The following AKR1C3 variants were observed in gnomAD, a reference collection of about 807,000 sequenced individuals.
AKR1C3 encodes aldo-keto reductase family 1 member C3.
AKR1C3 carries 48 observed loss-of-function variants against 43.6 expected under a neutral mutation model. The ratio of observed to expected loss-of-function variants is 1.10; its 90% CI spans 0.87 to 1.40. AKR1C3 has a LOEUF of 1.40. Ranked by LOEUF, AKR1C3 falls within the 40% of genes most tolerant of loss-of-function variation. The pLI is 0.00. For synonymous variants in AKR1C3, 162 were observed against 139.6 expected (o/e 1.16, Z -1.13); for missense variants, 482 against 391.2 (o/e 1.23, Z -1.96).
intron 4 of AKR1C3, 87 bp downstream of exon 4, chr10:5,098,966 C>A: frequency 9.1e-7 from 1 of 1,093,768 alleles, no homozygotes; most frequent in Non-Finnish European, 1.3e-6. Context: ...ATGGAATATG[C>A]ACCATTAGAT....
chr10:5,089,549 C>T (rs1385389260), upstream of AKR1C3, among the ~76,000 whole-genome samples: 1 of 152,004 alleles, frequency 6.6e-6, no homozygotes, highest in Non-Finnish European at 1.5e-5. Flanking sequence ...AAGATTTAAA[C>T]TGTATTTTAA....
intron 1 of AKR1C3, among the ~76,000 whole-genome samples, chr10:5,064,624 C>T (rs1402252901): frequency 3.9e-5 from 6 of 152,146 alleles, no homozygotes; most frequent in Non-Finnish European, 7.3e-5. Context: ...TGCCCACACA[C>T]TATGCATCTG....
At chr10:5,074,723 G>GAA (rs1554781650) in intron 1 of AKR1C3, among the ~76,000 whole-genome samples, 1 of 152,122 alleles carries the variant, frequency 6.6e-6, no homozygotes, top group Non-Finnish European at 1.5e-5. Flanking sequence ...GCTACAAGAT[G>GAA]AAAGGCTACC....
At chr10:5,083,475 C>T (rs527236684) in intron 1 of AKR1C3, among the ~76,000 whole-genome samples, 1 of 152,198 alleles carries the variant, frequency 6.6e-6, no homozygotes, top group Admixed American at 6.5e-5. Flanking sequence ...TCCAGTCTAT[C>T]GTTGTTGGAC....
At chr10:5,055,964 C>T (rs1486509901) in intron 1 of AKR1C3, among the ~76,000 whole-genome samples, 1 of 152,186 alleles carries the variant, frequency 6.6e-6, no homozygotes, top group Non-Finnish European at 1.5e-5. Flanking sequence ...TTGCTGAGGG[C>T]CCTGGTCCCT....
intron 1 of AKR1C3, among the ~76,000 whole-genome samples, chr10:5,079,841 A>G (rs11252924): frequency 0.31 from 47,841 of 152,002 alleles, 7,850 homozygotes; most frequent in Middle Eastern, 0.46. Flanking sequence ...ATGAATTTAT[A>G]TGCATTTTAT....
chr10:5,089,079 T>A (rs1324851571), intron 1 of AKR1C3, among the ~76,000 whole-genome samples: 1 of 152,124 alleles, frequency 6.6e-6, no homozygotes, highest in African/African-American at 2.4e-5. Context: ...GCCCCCAATA[T>A]CTTCCGACTT....
chr10:5,056,872 G>A (rs1457387503), intron 1 of AKR1C3, among the ~76,000 whole-genome samples: 3 of 152,214 alleles, frequency 2.0e-5, no homozygotes, highest in African/African-American at 4.8e-5. Flanking sequence ...AGAAATACCT[G>A]GTGCCAGGCT....
At chr10:5,057,166 A>T (rs957513029) in intron 1 of AKR1C3, among the ~76,000 whole-genome samples, 1 of 152,146 alleles carries the variant, frequency 6.6e-6, no homozygotes, top group African/African-American at 2.4e-5. Flanking sequence ...GTGGACATGG[A>T]TGAGGGGGCA....
chr10:5,080,186 C>G (rs961706410), intron 1 of AKR1C3, among the ~76,000 whole-genome samples: 2 of 152,006 alleles, frequency 1.3e-5, no homozygotes, highest in African/African-American at 4.8e-5. Context: ...GTAAGAACAT[C>G]TTAAGATGTG....
In AKR1C3 at chr10:5,079,222, G is replaced by A. The variant is rs537332031; in HGVS notation, c.85-17188G>A. On this transcript the variant is annotated intron_variant, in intron 1 of 8. Coordinates refer to the AKR1C3 transcript ENST00000439082. ...AGGGTGGTATCTGCCTTCCCAGGAG[G>A]CAGGAGTGGGGCCCCCAACTGAGGA... Among the ~76,000 whole-genome samples the A allele has an allele frequency of 4.6e-5, 7 of 152,270 alleles. No homozygotes were observed. In the South Asian group the frequency reaches 1.0e-3, roughly 23 times the overall value.
chr10:5,059,982 T>C (rs1554780051), intron 1 of AKR1C3, among the ~76,000 whole-genome samples: 1 of 152,150 alleles, frequency 6.6e-6, no homozygotes, highest in Non-Finnish European at 1.5e-5. Context: ...TGGAGTTTAT[T>C]CCTTCTGGTG....
chr10:5,050,462 A>T (rs1006466225), intron 1 of AKR1C3, among the ~76,000 whole-genome samples: 1 of 152,248 alleles, frequency 6.6e-6, no homozygotes, highest in African/African-American at 2.4e-5. Flanking sequence ...ACAGTAACTC[A>T]TGTAATGAGG....
chr10:5,088,741 T>A (rs1839025001), intron 1 of AKR1C3, among the ~76,000 whole-genome samples: 1 of 151,622 alleles, frequency 6.6e-6, no homozygotes, highest in Non-Finnish European at 1.5e-5. Context: ...CTGTTGGGTC[T>A]TGTCCTTTTA....
chr10:5,102,934 T>G (rs1192060638), intron 7 of AKR1C3, among the ~76,000 whole-genome samples: 1 of 145,456 alleles, frequency 6.9e-6, no homozygotes, highest in Non-Finnish European at 1.5e-5. Flanking sequence ...TCATGTTGTT[T>G]GTTTGGTTTT....
intron 1 of AKR1C3, among the ~76,000 whole-genome samples, chr10:5,082,918 T>A (rs529016833): frequency 6.6e-6 from 1 of 152,244 alleles, no homozygotes; most frequent in East Asian, 1.9e-4. Context: ...ATCTCTCTGG[T>A]CCCACGCTAT....
chr10:5,087,922 T>C (rs1839007326), intron 1 of AKR1C3, among the ~76,000 whole-genome samples: 1 of 152,114 alleles, frequency 6.6e-6, no homozygotes, highest in Non-Finnish European at 1.5e-5. Flanking sequence ...CTTTAGGTGG[T>C]GAGTTTGAGG....
At chr10:5,050,955 C>A (rs1266909656) in intron 1 of AKR1C3, among the ~76,000 whole-genome samples, 1 of 152,188 alleles carries the variant, frequency 6.6e-6, no homozygotes, top group East Asian at 1.9e-4. Flanking sequence ...GTATAACTTG[C>A]CTCTTCTTCT....
chr10:5,090,019 C>T (rs1554783915), upstream of AKR1C3, among the ~76,000 whole-genome samples: 1 of 152,096 alleles, frequency 6.6e-6, no homozygotes, highest in African/African-American at 2.4e-5. Flanking sequence ...TAGGTTTTTA[C>T]ATTGAGTTGC....
Sources: gnomAD v4.1 joint callset for allele counts (sites outside exome capture counted in the v4.1 genomes callset) on GRCh38, gnomAD v4.1.1 for gene constraint, MANE v1.5 for transcripts, NCBI Gene and HGNC (gene_info 2026-07-23, HGNC 2026-07-21) for gene names.